RHOT1: variants seen among roughly 807,000 people sequenced by gnomAD.
RHOT1 encodes mitochondrial Rho GTPase 1.
In RHOT1, 27 loss-of-function variants were observed where a neutral mutation model predicts 95.3. That is an observed-to-expected ratio of 0.28 (90% confidence interval 0.21 to 0.39). The LOEUF (loss-of-function observed/expected upper bound fraction) is 0.39. RHOT1 is among the 10% of genes least tolerant of loss of function. The pLI, the probability that RHOT1 is intolerant of heterozygous loss-of-function variation, is 1.00. For missense variants in RHOT1, 578 were observed against 786.7 expected (o/e 0.73, Z 3.17); for synonymous variants, 227 against 263.5 (o/e 0.86, Z 1.34).
intron 1 of RHOT1, among the ~76,000 whole-genome samples, chr17:32,147,443 T>C (rs2031529078): frequency 6.6e-6 from 1 of 151,862 alleles, no homozygotes; most frequent in South Asian, 2.1e-4. Flanking sequence ...CTGGGCAACA[T>C]AGTGAGACCC....
intron 6 of RHOT1, among the ~76,000 whole-genome samples, chr17:32,178,117 A>C (rs1333055643): frequency 6.6e-6 from 1 of 151,892 alleles, no homozygotes; most frequent in East Asian, 2.0e-4. Flanking sequence ...GAGCCACCGC[A>C]TGAGAGATGC....
intron 19 of RHOT1, 185 bp downstream of exon 19, chr17:32,211,423 A>T (rs13342694): frequency 0.18 from 79,825 of 437,956 alleles, 7,616 homozygotes; most frequent in South Asian, 0.26. Flanking sequence ...AATGTTTTTA[A>T]ATTAATAGGT....
chr17:32,221,488 A>G (rs147340854), intron 19 of RHOT1, among the ~76,000 whole-genome samples: 4 of 152,308 alleles, frequency 2.6e-5, no homozygotes, highest in South Asian at 4.1e-4. Context: ...TTTGGAATAC[A>G]TGTGAGACCA....
intron 18 of RHOT1, chr17:32,209,102 A>C (rs1405848938): frequency 4.2e-6 from 1 of 236,664 alleles, no homozygotes; most frequent in African/African-American, 2.3e-5. Context: ...CTACAGTGTA[A>C]CACAGAGTAA....
intron 1 of RHOT1, among the ~76,000 whole-genome samples, chr17:32,149,696 C>CAT (rs1312114347): frequency 7.0e-6 from 1 of 142,472 alleles, no homozygotes; most frequent in Non-Finnish European, 1.5e-5. Context: ...CACTCACACA[C>CAT]ATATATATAC....
In RHOT1 at chr17:32,215,300, A is replaced by G. The variant is rs148078192; in HGVS notation, c.1862+4062A>G. Reference sequence around the variant, plus strand: ...ACATTGTTTTAGTGTGCTTGTAAAAATTTTGGTCACTGAAATAGAAATTAC... The same window carrying G: ...ACATTGTTTTAGTGTGCTTGTAAAAGTTTTGGTCACTGAAATAGAAATTAC... On this transcript the variant is annotated intron_variant, in intron 19 of 19. Coordinates refer to ENST00000545287, the MANE Select transcript of RHOT1 (RefSeq NM_001033566.3). 1.7e-3 allele frequency among the ~76,000 whole-genome samples: 256 copies of G among 152,288 alleles called. 1 individual carries two copies. The highest frequency in any genetic ancestry group is 5.6e-3 in the African/African-American group (232 of 41,550).
intron 13 of RHOT1, among the ~76,000 whole-genome samples, chr17:32,200,654 G>T (rs2037245172): frequency 6.6e-6 from 1 of 151,904 alleles, no homozygotes; most frequent in African/African-American, 2.4e-5. Flanking sequence ...CATGCCTGTA[G>T]TCCCAGATAC....
In RHOT1 at chr17:32,200,980, G is replaced by C. The variant is rs114899192; in HGVS notation, c.1125G>C (p.Gln375His). Residue 375 changes from glutamine to histidine, a missense_variant, in exon 14 of 20, where the codon CAG (glutamine) becomes CAC (histidine). Physicochemically the swap from Gln to His is conservative, Grantham distance 24. Around this residue, in one of 4 missense-constraint regions of RHOT1, gnomAD observed 296 missense variants for 338.5 expected, o/e 0.87. Transcript: ENST00000545287. Reference sequence around the variant, plus strand: ...GGCTCACGACTTATTTAGATGTACAGCGGTGCCTGGAATATTTGGGCTATC... The same window carrying C: ...GGCTCACGACTTATTTAGATGTACACCGGTGCCTGGAATATTTGGGCTATC... ...QWTLTTYLDV[Q>H]RCLEYLGYLG... 1.9e-6 allele frequency: 3 copies of C among 1,611,878 alleles called. No individual in the cohort carries two copies. The African/African-American group carries it at 4.0e-5, about 22-fold the overall frequency.
chr17:32,181,012 A>G (rs2035593468), intron 6 of RHOT1, among the ~76,000 whole-genome samples: 1 of 152,212 alleles, frequency 6.6e-6, no homozygotes, highest in Non-Finnish European at 1.5e-5. Context: ...ACATTTTTGG[A>G]AACCCTCCTG....
In RHOT1 at chr17:32,208,320, G is replaced by C. The variant is rs200669163; in HGVS notation, c.1739+11G>C. 975 of 1,609,496 alleles carry C rather than the reference G, an allele frequency of 6.1e-4. 2 individuals are homozygous for C. The highest frequency in any genetic ancestry group is 6.6e-4 in the Middle Eastern group (4 of 6,054). ...AATGGCCATGTATCCGTAAGTACTTGCTGTCTTCATTTTCATGTTGCATGG... is the reference window on the plus strand; with the variant it reads ...AATGGCCATGTATCCGTAAGTACTTCCTGTCTTCATTTTCATGTTGCATGG... On this transcript the variant is annotated intron_variant, in intron 18 of 19. Transcript: ENST00000545287.
rs550566678 is a variant in RHOT1, at chr17:32,197,526, C to T, written c.870-1421C>T. Among the ~76,000 whole-genome samples, 8 of 151,770 alleles carry T rather than the reference C, an allele frequency of 5.3e-5. No individual in the cohort carries two copies. In the South Asian group the frequency reaches 1.3e-3, roughly 24 times the overall value. On this transcript the variant is annotated intron_variant, in intron 11 of 19. Coordinates refer to ENST00000545287, the MANE Select transcript of RHOT1 (RefSeq NM_001033566.3). ...TGCATGCTCCGCCTCCCAGGTTCAT[C>T]GACATTCTCCTACCTCAGCCTCCCG...
At chr17:32,179,287 C>T (rs2035353533) in intron 6 of RHOT1, 1 of 141,754 alleles carries the variant, frequency 7.1e-6, no homozygotes, top group Non-Finnish European at 1.5e-5. Context: ...GCGCCTCTGC[C>T]CAGCTGCCAC....
intron 19 of RHOT1, chr17:32,222,807 T>C (rs769860710): frequency 2.6e-5 from 25 of 978,718 alleles, no homozygotes; most frequent in South Asian, 2.4e-4. Context: ...TAGCAGACGA[T>C]GAGGGCAGTA....
At chr17:32,170,982 C>A in intron 1 of RHOT1, 61 bp from the exon 2 acceptor site, 1 of 1,245,298 alleles carries the variant, frequency 8.0e-7, no homozygotes, top group Non-Finnish European at 1.1e-6. Flanking sequence ...TATGTGGTTG[C>A]CAAATTTGAG....
intron 9 of RHOT1, 104 bp downstream of exon 9, chr17:32,192,403 T>C (rs568039466): frequency 1.4e-6 from 1 of 695,966 alleles, no homozygotes; most frequent in African/African-American, 1.8e-5. Context: ...CAGTATGTTA[T>C]AAACATAAGT....
At chr17:32,171,334 T>A (rs940820980) in intron 2 of RHOT1, among the ~76,000 whole-genome samples, 1 of 152,150 alleles carries the variant, frequency 6.6e-6, no homozygotes. Context: ...AATCCTCCTG[T>A]CTTGGCCTCC....
At chr17:32,149,627 A>G (rs376789963) in intron 1 of RHOT1, among the ~76,000 whole-genome samples, 7,037 of 86,238 alleles carry the variant, frequency 0.082, 1,046 homozygotes, top group African/African-American at 0.34. Context: ...ATATATATAT[A>G]TATATATATG....
At chr17:32,196,511 C>T (rs1163693971) in intron 11 of RHOT1, among the ~76,000 whole-genome samples, 1 of 152,100 alleles carries the variant, frequency 6.6e-6, no homozygotes. Context: ...AGCTTCTTAA[C>T]ATGGTTTGCA....
intron 1 of RHOT1, among the ~76,000 whole-genome samples, 164 bp from the exon 2 acceptor site, chr17:32,170,879 C>T (rs559079020): frequency 5.9e-5 from 9 of 152,216 alleles, no homozygotes; most frequent in African/African-American, 1.7e-4. Flanking sequence ...GTATGTGTGA[C>T]TTTTCTAAAC....
Sources: allele counts gnomAD v4.1 joint callset (sites outside exome capture counted in the v4.1 genomes callset), GRCh38; gene constraint gnomAD v4.1.1; regional missense constraint gnomAD v4.1.1; transcripts MANE v1.5; gene names NCBI Gene and HGNC (gene_info 2026-07-23, HGNC 2026-07-21).